The following SSUH2 variants were observed in gnomAD, a reference collection of about 807,000 sequenced individuals.
The protein encoded by SSUH2 is ssu-2 homolog, also known as protein SSUH2 homolog.
A neutral mutation model predicts 55.3 loss-of-function variants in SSUH2; 47 were observed. The observed-to-expected ratio is 0.85, with a 90% CI of 0.67 to 1.08. The LOEUF is 1.08. SSUH2 is among the 50% of genes least tolerant of loss of function. The pLI, the probability that SSUH2 is intolerant of heterozygous loss-of-function variation, is 0.00. For synonymous variants in SSUH2, 212 were observed against 191.5 expected, an observed-to-expected ratio of 1.11 and a Z score of -0.89; for missense variants, 535 against 490.7, an observed-to-expected ratio of 1.09 and a Z score of -0.85.
At chr3:8,673,039 C>G (rs1001777363) in intron 3 of SSUH2, among the ~76,000 whole-genome samples, 1 of 151,914 alleles carries the variant, frequency 6.6e-6, no homozygotes, top group Non-Finnish European at 1.5e-5. Context: ...TTAATATAAA[C>G]ATGAATATGT....
chr3:8,673,432 T>G (rs1406450567), intron 3 of SSUH2, among the ~76,000 whole-genome samples: 1 of 151,960 alleles, frequency 6.6e-6, no homozygotes, highest in Non-Finnish European at 1.5e-5. Flanking sequence ...TATACTGGGA[T>G]AAAGGAGGAT....
At chr3:8,627,854 G>T in intron 7 of SSUH2, 71 bp from the exon 8 acceptor site, 1 of 1,411,786 alleles carries the variant, frequency 7.1e-7, no homozygotes, top group Non-Finnish European at 9.7e-7. Flanking sequence ...CCCAAGACCT[G>T]GTTCAAATCC....
At position 8,632,562 on chromosome 3, in the gene SSUH2, C is replaced by T. The variant is rs190364662; in HGVS notation, c.340-453G>A. Among the ~76,000 whole-genome samples, 8 of 152,318 alleles carry T rather than the reference C, an allele frequency of 5.3e-5. No homozygotes were observed. In the East Asian group the frequency reaches 1.5e-3, roughly 29 times the overall value. ...GGACATCACTTGCCCTCTCCTTTTA[C>T]ATGTGAGGAAATGGAGGCTCAGAGA... On this transcript the variant is annotated intron_variant, in intron 4 of 11. Transcript: ENST00000544814.
intron 1 of SSUH2, among the ~76,000 whole-genome samples, chr3:8,638,446 A>G (rs1032486666): frequency 2.0e-5 from 3 of 152,218 alleles, no homozygotes; most frequent in Non-Finnish European, 4.4e-5. Context: ...GTGCCTTTGT[A>G]AGCAAGAAAA....
chr3:8,648,889 T>C (rs563578149), upstream of SSUH2, among the ~76,000 whole-genome samples: 3 of 152,290 alleles, frequency 2.0e-5, no homozygotes, highest in Non-Finnish European at 2.9e-5. Flanking sequence ...CACCGTCTAA[T>C]GGTGGCCTGG....
At chr3:8,634,016 C>T in intron 3 of SSUH2, 1 of 1,486,976 alleles carries the variant, frequency 6.7e-7, no homozygotes. Flanking sequence ...GCCAAAAACA[C>T]TTTAGTTGAA....
In SSUH2 at chr3:8,627,735, G is replaced by A. The variant is rs779838642; in HGVS notation, c.637C>T (p.Arg213Trp). 1.6e-5 allele frequency: 26 copies of A among 1,610,400 alleles called. 1 individual carries two copies. The highest frequency in any genetic ancestry group is 8.0e-5 in the African/African-American group (6 of 74,766). Residue 213 changes from arginine (R) to tryptophan (W), a missense_variant, in exon 8 of 12, where the codon CGG becomes TGG. Arg to Trp is a moderately radical substitution (Grantham distance 101). Transcript: ENST00000544814. ...CGAKRKAKQS[R>W]RCQLCAGSGR... ...GACCCCGCGCACAGCTGACATCTCC[G>A]GGACTGCTTGGCTTTGCGCTTGGCT...
chr3:8,673,773 C>T (rs1385019834), intron 3 of SSUH2, among the ~76,000 whole-genome samples: 2 of 152,106 alleles, frequency 1.3e-5, no homozygotes, highest in Non-Finnish European at 2.9e-5. Flanking sequence ...GTTGGACCCA[C>T]GTGAAAGAGA....
In SSUH2 at chr3:8,619,562, G is replaced by A. The variant is rs945630965; in HGVS notation, c.*306C>T. The A allele has an allele frequency of 2.2e-5, 6 of 268,612 alleles. No individual in the cohort carries two copies. Among genetic ancestry groups the A allele is most frequent in the South Asian group, 1.1e-4 (1 of 9,106 alleles). 16.6% of individuals were successfully genotyped at this position (268,612 alleles called of 1,614,324 possible). On this transcript the variant is annotated 3_prime_UTR_variant, in exon 12 of 12. Transcript: ENST00000544814. ...GGGAAAAAGCAAAATCAAATCACAC[G>A]CATCATCGGGGCATTAACTTGGAGA...
intron 7 of SSUH2, among the ~76,000 whole-genome samples, chr3:8,654,045 C>T (rs1702698637): frequency 6.6e-6 from 1 of 152,164 alleles, no homozygotes; most frequent in African/African-American, 2.4e-5. Flanking sequence ...GCTTAAATGA[C>T]AGAAATGTAT....
chr3:8,671,455 G>T (rs1314158768), intron 4 of SSUH2, among the ~76,000 whole-genome samples: 1 of 151,766 alleles, frequency 6.6e-6, no homozygotes, highest in Non-Finnish European at 1.5e-5. Context: ...TGACATAAGA[G>T]GTGACATCCC....
chr3:8,660,429 G>A (rs529194557), intron 6 of SSUH2, among the ~76,000 whole-genome samples: 2 of 152,260 alleles, frequency 1.3e-5, no homozygotes, highest in African/African-American at 4.8e-5. Flanking sequence ...GGCAAGTCAA[G>A]GGTTAAGAAG....
At chr3:8,679,139 A>T (rs1273708206) in intron 2 of SSUH2, among the ~76,000 whole-genome samples, 1 of 61,114 alleles carries the variant, frequency 1.6e-5, no homozygotes, top group Admixed American at 1.6e-4. Context: ...GGGGGGAGGC[A>T]CCCCCGCGAG....
intron 3 of SSUH2, among the ~76,000 whole-genome samples, chr3:8,674,374 A>T (rs991718593): frequency 6.6e-6 from 1 of 152,168 alleles, no homozygotes; most frequent in African/African-American, 2.4e-5. Flanking sequence ...GACAAGGAGG[A>T]AGGGGCCCGG....
chr3:8,679,461 C>CA, intron 2 of SSUH2, among the ~76,000 whole-genome samples: 1 of 142,770 alleles, frequency 7.0e-6, no homozygotes, highest in Non-Finnish European at 1.6e-5. Flanking sequence ...GAGGCACCCC[C>CA]CGGGAGGCGG....
Position 8,653,430 on chromosome 3 carries a change from G to C in SSUH2, c.-307+5495C>G, listed in dbSNP as rs114761723. ...TTGCTTATAAGTGTGCATACACTTA[G>C]AATTTTTAAAAAGCGTAAATGAAAT... is the stretch of plus-strand genomic sequence containing the variant. On this transcript the variant is annotated intron_variant, in intron 7 of 18. Transcript: ENST00000317371. Among the ~76,000 whole-genome samples, 1,316 of 152,274 alleles carry C rather than the reference G, an allele frequency of 8.6e-3. 23 individuals are homozygous for C. Among genetic ancestry groups the C allele is most frequent in the African/African-American group, 0.03 (1,253 of 41,556 alleles).
chr3:8,656,371 G>A (rs940684583), intron 7 of SSUH2, among the ~76,000 whole-genome samples: 4 of 152,144 alleles, frequency 2.6e-5, no homozygotes, highest in African/African-American at 9.7e-5. Context: ...CTGGAACCTC[G>A]CTGCTGCCCG....
chr3:8,665,348 C>G (rs59166512), intron 5 of SSUH2, among the ~76,000 whole-genome samples: 35,068 of 151,984 alleles, frequency 0.23, 5,149 homozygotes, highest in African/African-American at 0.41. Context: ...AGAGGACCCT[C>G]GGTCATCTTT....
Position 8,678,892 on chromosome 3 carries a change from G to C in SSUH2, c.-901+813C>G, listed in dbSNP as rs1427295201. 1.6e-3 allele frequency among the ~76,000 whole-genome samples: 186 copies of C among 113,512 alleles called. 44 individuals carry two copies. The highest frequency in any genetic ancestry group is 4.8e-3 in the African/African-American group (162 of 33,676). The allele number at this position is 113,512 out of a possible 152,430, so 74.5% of individuals were successfully genotyped here. On this transcript the variant is annotated intron_variant, in intron 2 of 18. Transcript: ENST00000317371. ...TGGCTCTTAGGATCCCCATTGCAAG[G>C]GAGGGAGGCACCCCCCGCCAGGCGG...
Sources: allele counts gnomAD v4.1 joint callset (sites outside exome capture counted in the v4.1 genomes callset), GRCh38; gene constraint gnomAD v4.1.1; transcripts MANE v1.5; gene names NCBI Gene and HGNC (gene_info 2026-07-23, HGNC 2026-07-21).